The following ABCB11 variants were observed in gnomAD, a reference collection of about 807,000 sequenced individuals.
ABCB11 encodes ATP binding cassette subfamily B member 11, also known as bile salt export pump.
A neutral mutation model predicts 148.0 loss-of-function variants in ABCB11; 95 were observed. The ratio of observed to expected loss-of-function variants is 0.64; its 90% CI spans 0.54 to 0.76. ABCB11 has a LOEUF of 0.76. ABCB11 is among the 30% of genes least tolerant of loss of function. The pLI, the probability that ABCB11 is intolerant of heterozygous loss-of-function variation, is 0.00. For synonymous variants in ABCB11, 591 were observed against 555.4 expected, an observed-to-expected ratio of 1.06 and a Z score of -0.90; for missense variants, 1,523 against 1,617.8, an observed-to-expected ratio of 0.94 and a Z score of 1.01.
In ABCB11 at chr2:168,922,079, G is replaced by T. The variant is rs910045100; in HGVS notation, c.*1543C>A. ...TTAGCCAGGATGGTCTCAATCTCTC[G>T]ACCTCATGATCCGCCCGCCTTGGCC... On this transcript the variant is annotated 3_prime_UTR_variant, in exon 28 of 28. Transcript: ENST00000650372. 6.6e-6 allele frequency among the ~76,000 whole-genome samples: 1 copy of T among 151,882 alleles called. No homozygotes were observed. The highest frequency in any genetic ancestry group is 6.6e-5 in the Admixed American group (1 of 15,258).
Position 168,962,249 on chromosome 2 carries a change from TAA to T in ABCB11, c.2178+1955_2178+1956del, listed in dbSNP as rs1490029531. Among the ~76,000 whole-genome samples the T allele has an allele frequency of 1.6e-4, 25 of 151,846 alleles. No homozygotes were observed. In the East Asian group the frequency reaches 4.7e-3, roughly 29 times the overall value. On this transcript the variant is annotated intron_variant, in intron 18 of 27. Transcript: ENST00000650372. ...CTATCTCCCTTAACTAGAGAGAACG[TAA>T]AGTCACATCTTTTAAAACGTATGCT...
In ABCB11 at chr2:169,016,814, A is replaced by G; in HGVS notation, c.77-15T>C. On this transcript the variant is annotated splice_polypyrimidine_tract_variant and intron_variant, in intron 2 of 27. Coordinates refer to ENST00000650372, the MANE Select transcript of ABCB11 (RefSeq NM_003742.4). ...ATCATTATTATCTGTCAGAAAAAAAAATCAACGCAAAAAAGCAGTTAATAA... is the reference window on the plus strand; with the variant it reads ...ATCATTATTATCTGTCAGAAAAAAAGATCAACGCAAAAAAGCAGTTAATAA... The G allele has an allele frequency of 6.3e-7, 1 of 1,581,740 alleles. No homozygotes were observed. Among genetic ancestry groups the G allele is most frequent in the South Asian group, 1.2e-5 (1 of 85,328 alleles).
At chr2:168,975,051 T>C (rs1693758075) in intron 12 of ABCB11, among the ~76,000 whole-genome samples, 2 of 144,206 alleles carry the variant, frequency 1.4e-5, no homozygotes, top group South Asian at 2.1e-4. Flanking sequence ...TATGTATATA[T>C]AGATATAAAA....
chr2:168,974,945 A>G (rs1693752643), intron 12 of ABCB11, among the ~76,000 whole-genome samples: 1 of 148,700 alleles, frequency 6.7e-6, no homozygotes, highest in Admixed American at 6.8e-5. Flanking sequence ...TTATATATTT[A>G]TGTATATAAT....
intron 5 of ABCB11, among the ~76,000 whole-genome samples, chr2:169,007,603 G>A (rs971961694): frequency 1.2e-4 from 19 of 152,304 alleles, no homozygotes; most frequent in Middle Eastern, 3.4e-3. Flanking sequence ...TAATGTTCAC[G>A]ACCTTGGATT....
intron 21 of ABCB11, among the ~76,000 whole-genome samples, chr2:168,938,954 T>C (rs1170020039): frequency 1.3e-5 from 2 of 152,074 alleles, no homozygotes; most frequent in East Asian, 1.9e-4. Context: ...CATATTACTT[T>C]GTACTTTGAC....
At chr2:168,949,907 G>A (rs962747915) in intron 19 of ABCB11, among the ~76,000 whole-genome samples, 1 of 151,208 alleles carries the variant, frequency 6.6e-6, no homozygotes. Context: ...AAATGTAAAC[G>A]AGCAAGACTG....
At chr2:168,978,931 G>T (rs953483458) in intron 11 of ABCB11, among the ~76,000 whole-genome samples, 1 of 151,892 alleles carries the variant, frequency 6.6e-6, no homozygotes, top group Non-Finnish European at 1.5e-5. Flanking sequence ...TGTTTCCCAG[G>T]CTGGTCTTGA....
Position 168,972,055 on chromosome 2 carries a change from A to G in ABCB11, c.1435-5T>C, listed in dbSNP as rs1317376974. ...GTCATGGCCATCCACGGTCACCTAG[A>G]GAGCATGGGCACAACATCACAACTT... On this transcript the variant is annotated splice_region_variant and splice_polypyrimidine_tract_variant and intron_variant, in intron 13 of 27. Coordinates refer to ENST00000650372, the MANE Select transcript of ABCB11 (RefSeq NM_003742.4). The G allele has an allele frequency of 1.9e-6, 3 of 1,611,466 alleles. No homozygotes were observed. The highest frequency in any genetic ancestry group is 1.7e-5 in the Admixed American group (1 of 59,716).
At position 168,946,104 on chromosome 2, in the gene ABCB11, T is replaced by A. The variant is rs1418349818; in HGVS notation, c.2344-1143A>T. ...AAGAACATACTCCAATGACATTGCC[T>A]TGTGGTGAAATGGATTTTGTGCATA... On this transcript the variant is annotated intron_variant, in intron 19 of 27. Transcript: ENST00000650372. 2.0e-5 allele frequency among the ~76,000 whole-genome samples: 3 copies of A among 152,036 alleles called. No individual in the cohort carries two copies. In the East Asian group the frequency reaches 5.8e-4, roughly 30 times the overall value.
intron 5 of ABCB11, among the ~76,000 whole-genome samples, chr2:168,997,706 A>AT (rs1231261177): frequency 6.6e-6 from 1 of 151,564 alleles, no homozygotes; most frequent in Non-Finnish European, 1.5e-5. Flanking sequence ...CTTGAGCTTG[A>AT]TTTTTTTTCT....
chr2:169,027,204 T>C (rs1202928353), intron 1 of ABCB11, among the ~76,000 whole-genome samples: 2 of 152,202 alleles, frequency 1.3e-5, no homozygotes, highest in Admixed American at 1.3e-4. Context: ...TTCAAGGCAT[T>C]CCAGAAAAAT....
intron 19 of ABCB11, among the ~76,000 whole-genome samples, chr2:168,949,175 A>C (rs1286210216): frequency 1.3e-5 from 2 of 151,650 alleles, no homozygotes; most frequent in Non-Finnish European, 3.0e-5. Flanking sequence ...CCAAGAAAAC[A>C]TGATCACATT....
rs750758449 is a variant in ABCB11 at position 169,018,056 on chromosome 2, T to C, written c.70A>G (p.Lys24Glu). Residue 24 changes from lysine (K) to glutamate (E), a missense_variant, in exon 2 of 28, where the codon AAA becomes GAA. Coordinates refer to ENST00000650372, the MANE Select transcript of ABCB11 (RefSeq NM_003742.4). ...AGGGAAAAAAGCCACTCACATGATT[T>C]ATCTGACTCAAAACCATCATTCTCC... Reference protein sequence around the residue: ...GEENDGFESDKSYNNDKKSRL... With the variant: ...GEENDGFESDESYNNDKKSRL... The C allele has an allele frequency of 5.0e-6, 8 of 1,613,018 alleles. No individual in the cohort carries two copies. In the African/African-American group the frequency reaches 8.0e-5, roughly 16 times the overall value.
intron 19 of ABCB11, among the ~76,000 whole-genome samples, chr2:168,956,152 G>A (rs1376614001): frequency 2.0e-5 from 3 of 151,648 alleles, no homozygotes; most frequent in Admixed American, 6.6e-5. Flanking sequence ...GGAAGAGAGA[G>A]CGAAAGGGGA....
At chr2:169,017,098 T>C (rs193165727) in intron 2 of ABCB11, among the ~76,000 whole-genome samples, 1 of 125,566 alleles carries the variant, frequency 8.0e-6, no homozygotes, top group Non-Finnish European at 1.6e-5. Context: ...ACATGAAATA[T>C]TTGCATCATC....
In ABCB11 at chr2:168,921,117, G is replaced by A. The variant is rs1159090040; in HGVS notation, c.*2505C>T. Among the ~76,000 whole-genome samples the A allele has an allele frequency of 2.0e-5, 3 of 152,018 alleles. No homozygotes were observed. Among genetic ancestry groups the A allele is most frequent in the African/African-American group, 4.8e-5 (2 of 41,376 alleles). On this transcript the variant is annotated 3_prime_UTR_variant, in exon 28 of 28. Coordinates refer to ENST00000650372, the MANE Select transcript of ABCB11 (RefSeq NM_003742.4). ...TGCAAACCTTAATTTCCTCTAAAAG[G>A]CATCTTTACTCTGCAACTTACTCGT... is the stretch of plus-strand genomic sequence containing the variant.
chr2:168,927,393 G>C, intron 25 of ABCB11, 31 bp from the exon 26 acceptor site: 2 of 1,578,740 alleles, frequency 1.3e-6, no homozygotes, highest in African/African-American at 1.3e-5. Context: ...AGGTCATTAG[G>C]TTTTTAGAAT....
In ABCB11 at chr2:168,995,295, G is replaced by A; in HGVS notation, c.611+54C>T. 5.9e-6 allele frequency: 9 copies of A among 1,533,896 alleles called. No individual in the cohort carries two copies. The South Asian group carries it at 1.0e-4, about 17-fold the overall frequency. ...AAATTTTTATTTAATTTAGAAACAAGGGTTTTATTATCCAAAAATCACACA... is the reference window on the plus strand; with the variant it reads ...AAATTTTTATTTAATTTAGAAACAAAGGTTTTATTATCCAAAAATCACACA... On this transcript the variant is annotated intron_variant, in intron 7 of 27. Transcript: ENST00000650372.
Sources: allele counts gnomAD v4.1 joint callset (sites outside exome capture counted in the v4.1 genomes callset), GRCh38; gene constraint gnomAD v4.1.1; transcripts MANE v1.5; gene names NCBI Gene and HGNC (gene_info 2026-07-23, HGNC 2026-07-21).